AGPAT2: variants seen among roughly 807,000 people sequenced by gnomAD.
AGPAT2 encodes 1-acylglycerol-3-phosphate O-acyltransferase 2.
A neutral mutation model predicts 26.1 loss-of-function variants in AGPAT2; 18 were observed. That is an observed-to-expected ratio of 0.69 (90% CI 0.48 to 1.02). The LOEUF (loss-of-function observed/expected upper bound fraction) is 1.02, where lower values mean the gene tolerates loss of function less well. Among genes scored for constraint, AGPAT2 ranks in the 50% least tolerant of loss-of-function variants. The pLI is 0.00. For synonymous variants in AGPAT2, 200 were observed against 174.2 expected, an observed-to-expected ratio of 1.15 and a Z score of -1.16; for missense variants, 415 against 394.9, an observed-to-expected ratio of 1.05 and a Z score of -0.43.
rs1846044021 is a variant in AGPAT2 at position 136,673,754 on chromosome 9, A to G, written c.835T>C (p.Ter279GlnextTer87). 6.3e-7 allele frequency: 1 copy of G among 1,588,582 alleles called. No homozygotes were observed. The highest frequency in any genetic ancestry group is 1.8e-5 in the Admixed American group (1 of 56,676). Residue 279 changes from the stop codon to glutamine, a stop_lost, in exon 6 of 6, where the codon TAG becomes CAG. Coordinates refer to ENST00000371696, the MANE Select transcript of AGPAT2 (RefSeq NM_006412.4). The stretch of plus-strand genomic sequence containing the variant: ...GTCATGCCCTGCCGTGGTCTGGGCT[A>G]CTGGGCCGGCTGCACGCCAGACCCC... ...TAGSGVQPAQ* is the reference protein window; with the variant it reads ...TAGSGVQPAQQ
At chr9:136,677,581 C>T (rs1055733587) in intron 1 of AGPAT2, 25 bp from the exon 2 acceptor site, 4 of 1,611,896 alleles carry the variant, frequency 2.5e-6, no homozygotes, top group South Asian at 1.1e-5. Flanking sequence ...ACCATGAACA[C>T]GGGTCCCACA....
intron 1 of AGPAT2, among the ~76,000 whole-genome samples, chr9:136,679,271 G>A (rs1846131639): frequency 6.6e-6 from 1 of 151,982 alleles, no homozygotes; most frequent in Admixed American, 6.6e-5. Context: ...TTCCATGTGT[G>A]AGCCCAGGCC....
intron 1 of AGPAT2, among the ~76,000 whole-genome samples, chr9:136,681,102 C>CT (rs141839033): frequency 0.024 from 3,410 of 143,882 alleles, 103 homozygotes; most frequent in African/African-American, 0.07. Flanking sequence ...AAAACTTTTC[C>CT]TTTTTTTTTT....
At chr9:136,681,286 C>T (rs1846157275) in intron 1 of AGPAT2, among the ~76,000 whole-genome samples, 1 of 152,134 alleles carries the variant, frequency 6.6e-6, no homozygotes, top group African/African-American at 2.4e-5. Flanking sequence ...CGGAGGCTGC[C>T]CCAGGCCAGC....
chr9:136,673,750 G>A lies in AGPAT2; in HGVS notation c.*2C>T. 1 of 1,584,816 alleles carries A rather than the reference G, an allele frequency of 6.3e-7. No individual in the cohort carries two copies. ...CCAGGTCATGCCCTGCCGTGGTCTG[G>A]GCTACTGGGCCGGCTGCACGCCAGA... On this transcript the variant is annotated 3_prime_UTR_variant, in exon 6 of 6. Coordinates refer to ENST00000371696, the MANE Select transcript of AGPAT2 (RefSeq NM_006412.4).
intron 1 of AGPAT2, among the ~76,000 whole-genome samples, chr9:136,685,051 G>A (rs1270255371): frequency 5.9e-5 from 9 of 152,220 alleles, no homozygotes; most frequent in Non-Finnish European, 2.9e-5. Flanking sequence ...CAGGGACCCT[G>A]GGGCCTGGGG....
At chr9:136,684,744 C>A (rs1846201834) in intron 1 of AGPAT2, among the ~76,000 whole-genome samples, 1 of 152,212 alleles carries the variant, frequency 6.6e-6, no homozygotes, top group Admixed American at 6.5e-5. Context: ...TCCACCCCAT[C>A]CTGGCTTGGG....
intron 1 of AGPAT2, among the ~76,000 whole-genome samples, chr9:136,683,120 A>T (rs529906104): frequency 6.6e-6 from 1 of 152,154 alleles, no homozygotes; most frequent in East Asian, 1.9e-4. Context: ...ACGGTGGCTC[A>T]TGCCTGTGAC....
chr9:136,674,775 G>C lies in AGPAT2; in HGVS notation c.621C>G (p.Phe207Leu). Residue 207 changes from phenylalanine to leucine, a missense_variant, in exon 5 of 6, where the codon TTC (phenylalanine) becomes TTG (leucine). By Grantham distance (22) the Phe-to-Leu change is conservative. Transcript: ENST00000371696. Reference protein sequence around the residue: ...VPIVPVVYSSFSSFYNTKKKF... With the variant: ...VPIVPVVYSSLSSFYNTKKKF... ...TCTTCTTGGTGTTGTAGAAGGAGGAGAAGGAAGAGTACACCACGGGGACGA... is the reference window on the plus strand; with the variant it reads ...TCTTCTTGGTGTTGTAGAAGGAGGACAAGGAAGAGTACACCACGGGGACGA... 6.5e-7 allele frequency: 1 copy of C among 1,537,970 alleles called. No homozygotes were observed. Among genetic ancestry groups the C allele is most frequent in the Non-Finnish European group, 8.8e-7 (1 of 1,141,528 alleles).
intron 1 of AGPAT2, 23 bp from the exon 2 acceptor site, chr9:136,677,579 C>T (rs1846110013): frequency 1.2e-6 from 2 of 1,612,634 alleles, no homozygotes; most frequent in African/African-American, 2.7e-5. Context: ...CCACCATGAA[C>T]ACGGGTCCCA....
chr9:136,674,903 C>T lies in AGPAT2; in HGVS notation c.589-96G>A, dbSNP rs572538017. On this transcript the variant is annotated intron_variant, in intron 4 of 5. Coordinates refer to ENST00000371696, the MANE Select transcript of AGPAT2 (RefSeq NM_006412.4). Reference sequence around the variant, plus strand: ...TTGGGGAGCCCTGTCCTGCGGCCCACCCACCCCTGCCTTCGCTGCTGCCAT... The same window carrying T: ...TTGGGGAGCCCTGTCCTGCGGCCCATCCACCCCTGCCTTCGCTGCTGCCAT... 1,028 of 812,048 alleles carry T rather than the reference C, an allele frequency of 1.3e-3. 9 individuals are homozygous for T. The highest frequency in any genetic ancestry group is 0.013 in the South Asian group (435 of 34,530). The allele number at this position is 812,048 out of a possible 1,614,324, so 50.3% of individuals were successfully genotyped here.
chr9:136,677,259 T>A (rs1846104541), intron 2 of AGPAT2, 123 bp from the exon 3 acceptor site: 1 of 1,492,896 alleles, frequency 6.7e-7, no homozygotes, highest in Non-Finnish European at 9.1e-7. Context: ...GGACGGGTCG[T>A]GTGGCCTCCG....
At chr9:136,686,244 A>AG (rs1360957561) in intron 1 of AGPAT2, among the ~76,000 whole-genome samples, 1 of 152,202 alleles carries the variant, frequency 6.6e-6, no homozygotes, top group Admixed American at 6.5e-5. Flanking sequence ...ACCACGGGGA[A>AG]GGGGGCCTCT....
At chr9:136,680,961 A>G (rs1396443990) in intron 1 of AGPAT2, among the ~76,000 whole-genome samples, 1 of 152,090 alleles carries the variant, frequency 6.6e-6, no homozygotes, top group Non-Finnish European at 1.5e-5. Context: ...CAGCGCGCCG[A>G]GCCCTCCTCT....
chr9:136,677,025 C>T lies in AGPAT2; in HGVS notation c.428G>A (p.Arg143Gln), dbSNP rs749401965. ...MYLGGVFFIN[R>Q]QRSSTAMTVM... The stretch of plus-strand genomic sequence containing the variant: ...TGTCATGGCAGTGCTAGAGCGCTGC[C>T]GGTTGATGAAGAAGACGCCCCCGAG... The change falls in exon 3 of 6, where the codon CGG becomes CAG. Residue 143 changes from arginine to glutamine, a missense_variant. Transcript: ENST00000371696. The T allele has an allele frequency of 1.1e-5, 17 of 1,612,912 alleles. No individual in the cohort carries two copies. Among genetic ancestry groups the T allele is most frequent in the African/African-American group, 5.3e-5 (4 of 74,834 alleles).
rs753285203 is a variant in AGPAT2 at position 136,677,536 on chromosome 9, C to T, written c.203G>A (p.Arg68Gln). 19 of 1,612,766 alleles carry T rather than the reference C, an allele frequency of 1.2e-5. No homozygotes were observed. Among genetic ancestry groups the T allele is most frequent in the Admixed American group, 8.3e-5 (5 of 60,008 alleles). The change falls in exon 2 of 6, where the codon CGA becomes CAA. Residue 68 changes from arginine to glutamine, a missense_variant. Arg to Gln is a conservative substitution (Grantham distance 43). Transcript: ENST00000371696. ...GAGCCCGTAAAAGTACTTGAAGCTT[C>T]GCACGAACCAGCCGATGATGCTGCA... ...ENMSIIGWFVRSFKYFYGLRF... is the reference protein window; with the variant it reads ...ENMSIIGWFVQSFKYFYGLRF...
intron 1 of AGPAT2, among the ~76,000 whole-genome samples, chr9:136,682,007 G>C (rs941443769): frequency 5.6e-4 from 85 of 152,282 alleles, no homozygotes; most frequent in African/African-American, 2.0e-3. Flanking sequence ...TAACCCCCCA[G>C]GGTAGGTACG....
At chr9:136,680,380 C>A (rs2119192022) in intron 1 of AGPAT2, among the ~76,000 whole-genome samples, 1 of 152,270 alleles carries the variant, frequency 6.6e-6, no homozygotes, top group Middle Eastern at 3.4e-3. Context: ...GTGCCTGCCA[C>A]CAGGCCTGGC....
At chr9:136,682,515 G>GTACCCC (rs111707442) in intron 1 of AGPAT2, among the ~76,000 whole-genome samples, 3,095 of 152,348 alleles carry the variant, frequency 0.02, 100 homozygotes, top group African/African-American at 0.071. Context: ...CCTCCCCGGG[G>GTACCCC]AGCAGGGGCA....
Sources: gnomAD v4.1 joint callset for allele counts (sites outside exome capture counted in the v4.1 genomes callset) on GRCh38, gnomAD v4.1.1 for gene constraint, MANE v1.5 for transcripts, NCBI Gene and HGNC (gene_info 2026-07-23, HGNC 2026-07-21) for gene names.